The following PRICKLE2 variants were observed in gnomAD, a reference collection of about 807,000 sequenced individuals.
PRICKLE2 encodes prickle-like protein 2.
PRICKLE2 carries 21 observed loss-of-function variants against 81.4 expected under a neutral mutation model. The observed-to-expected ratio is 0.26, with a 90% CI of 0.18 to 0.37. The LOEUF (loss-of-function observed/expected upper bound fraction) is 0.37, where lower values mean the gene tolerates loss of function less well. Ranked by LOEUF, PRICKLE2 falls within the 10% of genes least tolerant of loss-of-function variation. The pLI is 1.00. For missense variants in PRICKLE2, 940 were observed against 1,109.0 expected, an observed-to-expected ratio of 0.85 and a Z score of 2.16; for synonymous variants, 456 against 421.5, an observed-to-expected ratio of 1.08 and a Z score of -1.00.
At chr3:64,213,298 C>T (rs1397890923) in intron 1 of PRICKLE2, among the ~76,000 whole-genome samples, 2 of 151,990 alleles carry the variant, frequency 1.3e-5, no homozygotes. Context: ...CGGCTGGTCT[C>T]GAACTCCTGA....
intron 7 of PRICKLE2, among the ~76,000 whole-genome samples, chr3:64,125,596 T>C (rs577288007): frequency 3.9e-5 from 6 of 152,130 alleles, no homozygotes; most frequent in Non-Finnish European, 8.8e-5. Context: ...AAAAACATTA[T>C]TCACTGAAGG....
At chr3:64,107,922 CT>C (rs1296330566) in intron 7 of PRICKLE2, among the ~76,000 whole-genome samples, 12 of 152,222 alleles carry the variant, frequency 7.9e-5, no homozygotes, top group Non-Finnish European at 1.8e-4. Context: ...ACGTAGCTCC[CT>C]TTCATTAGGG....
chr3:64,180,541 A>ATTT (rs4018890), intron 2 of PRICKLE2, among the ~76,000 whole-genome samples: 101,934 of 149,718 alleles, frequency 0.68, 35,809 homozygotes, highest in East Asian at 0.96. Context: ...TTTGAGAATG[A>ATTT]TTTTTTTTTT....
At chr3:64,100,377 C>A (rs1376058297) in intron 7 of PRICKLE2, 4 of 167,860 alleles carry the variant, frequency 2.4e-5, no homozygotes. Context: ...CTGGCAATAC[C>A]AAACACTGGT....
At chr3:64,144,344 A>C (rs924554661) in intron 7 of PRICKLE2, among the ~76,000 whole-genome samples, 2 of 152,210 alleles carry the variant, frequency 1.3e-5, no homozygotes, top group Non-Finnish European at 2.9e-5. Flanking sequence ...CTGAAATGAG[A>C]ATCATAACAA....
At chr3:64,259,040 C>T (rs552972454) in intron 2 of PRICKLE2, among the ~76,000 whole-genome samples, 1 of 152,090 alleles carries the variant, frequency 6.6e-6, no homozygotes, top group African/African-American at 2.4e-5. Flanking sequence ...ATGATAAGTT[C>T]ACTCTCCTAT....
At chr3:64,205,061 A>G (rs1388852531) in intron 1 of PRICKLE2, among the ~76,000 whole-genome samples, 1 of 150,602 alleles carries the variant, frequency 6.6e-6, no homozygotes, top group African/African-American at 2.4e-5. Context: ...TTAAATAGAC[A>G]TTTATGAAAA....
At chr3:64,244,537 G>A (rs1022231964) in intron 2 of PRICKLE2, among the ~76,000 whole-genome samples, 2 of 149,758 alleles carry the variant, frequency 1.3e-5, no homozygotes, top group African/African-American at 4.9e-5. Flanking sequence ...TTCTGATGTT[G>A]GCCACTAGGT....
At chr3:64,244,761 T>C (rs1423226871) in intron 2 of PRICKLE2, among the ~76,000 whole-genome samples, 1 of 152,056 alleles carries the variant, frequency 6.6e-6, no homozygotes, top group East Asian at 1.9e-4. Flanking sequence ...CACCAACATA[T>C]AGCAGAAATA....
At chr3:64,137,994 C>A (rs2077303188) in intron 7 of PRICKLE2, among the ~76,000 whole-genome samples, 1 of 152,150 alleles carries the variant, frequency 6.6e-6, no homozygotes, top group South Asian at 2.1e-4. Flanking sequence ...ACAGGCCACA[C>A]CCCAAAGACC....
chr3:64,102,828 C>T (rs1400490733), intron 7 of PRICKLE2: 4 of 151,966 alleles, frequency 2.6e-5, no homozygotes, highest in African/African-American at 9.7e-5. Flanking sequence ...GCTAAATTTA[C>T]TGTGGTCAAT....
intron 2 of PRICKLE2, among the ~76,000 whole-genome samples, chr3:64,257,766 T>C (rs969198638): frequency 9.9e-5 from 15 of 152,152 alleles, no homozygotes; most frequent in Non-Finnish European, 2.2e-4. Flanking sequence ...GCTATTATCC[T>C]TTGCCATGGT....
intron 7 of PRICKLE2, among the ~76,000 whole-genome samples, chr3:64,115,258 C>A (rs1436783280): frequency 6.6e-6 from 1 of 152,064 alleles, no homozygotes. Flanking sequence ...ACTGAAGTAC[C>A]CAGACCAGTG....
intron 1 of PRICKLE2, among the ~76,000 whole-genome samples, chr3:64,216,179 G>T (rs2078869004): frequency 6.6e-6 from 1 of 152,204 alleles, no homozygotes; most frequent in African/African-American, 2.4e-5. Flanking sequence ...TTAACCTGTA[G>T]AGATTTCTCT....
upstream of PRICKLE2, among the ~76,000 whole-genome samples, chr3:64,226,299 ATTTTTAT>A (rs1453271340): frequency 4.6e-5 from 7 of 152,162 alleles, no homozygotes; most frequent in Non-Finnish European, 1.0e-4. Flanking sequence ...TCCGAGCTCC[ATTTTTAT>A]ACACCACTAG....
At chr3:64,255,405 G>A (rs548202805) in intron 2 of PRICKLE2, among the ~76,000 whole-genome samples, 1 of 152,320 alleles carries the variant, frequency 6.6e-6, no homozygotes, top group South Asian at 2.1e-4. Context: ...AAAGGGGAAT[G>A]TTGCCATCCT....
chr3:64,249,844 G>A (rs1009930288), intron 2 of PRICKLE2, among the ~76,000 whole-genome samples: 11 of 152,128 alleles, frequency 7.2e-5, no homozygotes, highest in South Asian at 2.1e-4. Context: ...CTAGTATAGC[G>A]CCTTGCACAC....
intron 2 of PRICKLE2, among the ~76,000 whole-genome samples, chr3:64,167,906 C>G (rs1244423853): frequency 1.3e-5 from 2 of 152,164 alleles, no homozygotes; most frequent in African/African-American, 4.8e-5. Flanking sequence ...AGGGAACACA[C>G]TTTGTGAGTT....
At chr3:64,109,063 A>G (rs921401837) in intron 7 of PRICKLE2, among the ~76,000 whole-genome samples, 9 of 152,076 alleles carry the variant, frequency 5.9e-5, no homozygotes, top group Non-Finnish European at 1.2e-4. Flanking sequence ...CTGCTTGACC[A>G]TAGCCCAAGG....
Sources: allele counts gnomAD v4.1 joint callset (sites outside exome capture counted in the v4.1 genomes callset), GRCh38; gene constraint gnomAD v4.1.1; transcripts MANE v1.5; gene names NCBI Gene and HGNC (gene_info 2026-07-23, HGNC 2026-07-21).